ANK2: variants seen among roughly 807,000 people sequenced by gnomAD.
ANK2 encodes the protein ankyrin-2.
In ANK2, 83 loss-of-function variants were observed where a neutral mutation model predicts 360.5. That is an observed-to-expected ratio of 0.23 (90% CI 0.19 to 0.28). The LOEUF is 0.28. Among genes scored for constraint, ANK2 ranks in the 10% least tolerant of loss-of-function variants. The probability of loss-of-function intolerance (pLI) is 1.00; values close to 1 mark genes in which losing one functional copy is unlikely to be tolerated. For synonymous variants in ANK2, 1,740 were observed against 1,759.5 expected (o/e 0.99, Z 0.28); for missense variants, 4,201 against 4,795.7 (o/e 0.88, Z 3.66).
intron 30 of ANK2, 105 bp downstream of exon 30, chr4:113,336,162 AG>A (rs1476599301): frequency 1.7e-6 from 2 of 1,194,232 alleles, no homozygotes; most frequent in Non-Finnish European, 2.4e-6. Flanking sequence ...CACACCAAAA[AG>A]GAAGGTAGCA....
intron 1 of ANK2, among the ~76,000 whole-genome samples, chr4:112,830,836 G>C (rs74191891): frequency 0.13 from 19,662 of 152,164 alleles, 2,031 homozygotes; most frequent in East Asian, 0.5. Flanking sequence ...CCGGGGCTGT[G>C]CATGGCACTC....
In ANK2 at chr4:113,381,741, C is replaced by A; in HGVS notation, c.*270C>A. On this transcript the variant is annotated 3_prime_UTR_variant, in exon 46 of 46. Transcript: ENST00000357077. ...CTAACTGGCCTAATTAATGGGATACCCCGACATTTCCACTGTTAGCAAATA... is the reference window on the plus strand; with the variant it reads ...CTAACTGGCCTAATTAATGGGATACACCGACATTTCCACTGTTAGCAAATA... 2 of 1,229,988 alleles carry A rather than the reference C, an allele frequency of 1.6e-6. No homozygotes were observed. Among genetic ancestry groups the A allele is most frequent in the African/African-American group, 1.5e-5 (1 of 66,726 alleles). 76.2% of individuals were successfully genotyped at this position (1,229,988 alleles called of 1,614,324 possible). A position where few individuals can be genotyped will look rare whatever the true frequency, so the allele number is the denominator to read the frequency against.
At chr4:112,807,449 G>T in the ANK2 span, among the ~76,000 whole-genome samples, 1 of 152,216 alleles carries the variant, frequency 6.6e-6, no homozygotes, top group Admixed American at 6.5e-5. Context: ...AAAATGGGCA[G>T]AACAGTTACT....
rs762411338 is a variant in ANK2 at position 113,355,019 on chromosome 4, C to G, written c.6401C>G (p.Thr2134Ser). Residue 2134 changes from threonine to serine, a missense_variant, in exon 38 of 46, where the codon ACT becomes AGT. Physicochemically the swap from Thr to Ser is moderately conservative, Grantham distance 58 (BLOSUM62 1). Transcript: ENST00000357077. ...ATCAGCCCAGATAGGAAAACCTCCACTGACTTCTCTGAGGTCATTAAGCAA... is the reference window on the plus strand; with the variant it reads ...ATCAGCCCAGATAGGAAAACCTCCAGTGACTTCTCTGAGGTCATTAAGCAA... ...LQISPDRKTS[T>S]DFSEVIKQEL... 6.2e-7 allele frequency: 1 copy of G among 1,614,092 alleles called. No homozygotes were observed. Among genetic ancestry groups the G allele is most frequent in the East Asian group, 2.2e-5 (1 of 44,842 alleles).
chr4:113,048,124 T>G (rs2065170465), upstream of ANK2, among the ~76,000 whole-genome samples: 1 of 151,380 alleles, frequency 6.6e-6, no homozygotes. Context: ...TACTCTATTT[T>G]TACTTCTAAG....
chr4:112,766,952 A>T, the ANK2 span, among the ~76,000 whole-genome samples: 7 of 152,220 alleles, frequency 4.6e-5, no homozygotes, highest in Non-Finnish European at 1.0e-4. Flanking sequence ...ATATCACAAA[A>T]GTATCCATTC....
chr4:113,276,430 A>C (rs1174299105), intron 15 of ANK2, among the ~76,000 whole-genome samples: 1 of 152,194 alleles, frequency 6.6e-6, no homozygotes, highest in Non-Finnish European at 1.5e-5. Context: ...ATTTTTGTCT[A>C]ATAATCATTT....
At chr4:112,874,877 A>G (rs62317087) in intron 1 of ANK2, among the ~76,000 whole-genome samples, 17 of 151,938 alleles carry the variant, frequency 1.1e-4, no homozygotes, top group African/African-American at 4.1e-4. Context: ...AATTCCTTGT[A>G]CTTAGTAGCT....
chr4:113,038,612 A>G (rs544736614), intron 2 of ANK2, among the ~76,000 whole-genome samples: 1 of 151,984 alleles, frequency 6.6e-6, no homozygotes, highest in East Asian at 1.9e-4. Flanking sequence ...CCTCAACAAG[A>G]GGTGGCGTCG....
At chr4:112,789,817 T>G in the ANK2 span, among the ~76,000 whole-genome samples, 1 of 152,196 alleles carries the variant, frequency 6.6e-6, no homozygotes, top group Non-Finnish European at 1.5e-5. Context: ...GTGGAAGACT[T>G]GAAGGCAAAA....
At chr4:112,855,831 C>T (rs1029479267) in intron 1 of ANK2, among the ~76,000 whole-genome samples, 3 of 152,114 alleles carry the variant, frequency 2.0e-5, no homozygotes, top group Non-Finnish European at 4.4e-5. Context: ...CTGGAATGTC[C>T]TCCCCTTTGG....
At chr4:113,235,804 C>T (rs945345781) in intron 5 of ANK2, among the ~76,000 whole-genome samples, 9 of 149,734 alleles carry the variant, frequency 6.0e-5, no homozygotes, top group Admixed American at 2.0e-4. Flanking sequence ...TGCAGTGGCA[C>T]GATCTTGGCT....
intron 2 of ANK2, among the ~76,000 whole-genome samples, chr4:113,000,405 A>T (rs2050187274): frequency 6.6e-6 from 1 of 152,208 alleles, no homozygotes; most frequent in African/African-American, 2.4e-5. Context: ...CTCTTCCTGC[A>T]TCTATTGCTT....
intron 9 of ANK2, among the ~76,000 whole-genome samples, chr4:113,243,241 A>G (rs1352196518): frequency 2.0e-5 from 3 of 152,210 alleles, no homozygotes; most frequent in Non-Finnish European, 2.9e-5. Context: ...AGCCTATGAA[A>G]GATGATAAAT....
intron 26 of ANK2, among the ~76,000 whole-genome samples, chr4:113,322,474 T>A (rs1175003509): frequency 6.6e-6 from 1 of 152,260 alleles, no homozygotes; most frequent in Non-Finnish European, 1.5e-5. Flanking sequence ...TTACAATTCT[T>A]CTTCATTTCA....
Position 113,271,758 on chromosome 4 carries a change from G to A in ANK2, c.1486-2694G>A, listed in dbSNP as rs17045828. ...AACATCTGTAATTTTTAAAGTTCAC[G>A]CAGAACACTCTATTCACCAGTCCAG... On this transcript the variant is annotated intron_variant, in intron 14 of 45. Transcript: ENST00000357077. 7.5e-3 allele frequency among the ~76,000 whole-genome samples: 1,144 copies of A among 152,240 alleles called. 20 individuals are homozygous for A. Among genetic ancestry groups the A allele is most frequent in the African/African-American group, 0.026 (1,070 of 41,546 alleles).
chr4:113,174,546 G>A (rs1239685969), intron 2 of ANK2, 29 bp downstream of exon 2: 1 of 1,480,680 alleles, frequency 6.8e-7, no homozygotes, highest in Non-Finnish European at 9.4e-7. Flanking sequence ...GCTCTGTGTT[G>A]TGCAACGAAG....
At chr4:113,323,731 C>T in intron 26 of ANK2, 1 of 1,596,014 alleles carries the variant, frequency 6.3e-7, no homozygotes, top group South Asian at 1.1e-5. Context: ...CGTTCCTTCT[C>T]TGTGCTAAAG....
rs746328450 is a variant in ANK2, at chr4:113,249,853, A to G, written c.981A>G (p.Ala327=). The G allele has an allele frequency of 5.0e-6, 8 of 1,613,876 alleles. No individual in the cohort carries two copies. Among genetic ancestry groups the G allele is most frequent in the Non-Finnish European group, 6.8e-6 (8 of 1,179,994 alleles). Residue 327 remains alanine (A), a synonymous_variant, in exon 10 of 46, where the codon GCA becomes GCG. Transcript: ENST00000357077. ...TGGAACGGGGTGCCCCCTTGCTGGC[A>G]AGGACTAAGGTGAGTCATTATGAGT... ...LLLERGAPLL[A]RTKNGLSPLH...
Sources: allele counts gnomAD v4.1 joint callset (sites outside exome capture counted in the v4.1 genomes callset), GRCh38; gene constraint gnomAD v4.1.1; transcripts MANE v1.5; gene names NCBI Gene and HGNC (gene_info 2026-07-23, HGNC 2026-07-21).